Variants in ALK observed in about 807,000 individuals in gnomAD.
The protein encoded by ALK is ALK receptor tyrosine kinase.
In ALK, 74 loss-of-function variants were observed where a neutral mutation model predicts 163.1. The observed-to-expected ratio is 0.45, with a 90% confidence interval of 0.38 to 0.55. ALK has a LOEUF of 0.55. Among genes scored for constraint, ALK ranks in the 20% least tolerant of loss-of-function variants. The probability of loss-of-function intolerance (pLI) is 0.00; values close to 1 mark genes in which losing one functional copy is unlikely to be tolerated. For synonymous variants in ALK, 960 were observed against 843.2 expected (o/e 1.14, Z -2.40); for missense variants, 2,063 against 2,105.3 (o/e 0.98, Z 0.39).
At chr2:29,703,815 G>A (rs939421471) in intron 2 of ALK, among the ~76,000 whole-genome samples, 2 of 152,138 alleles carry the variant, frequency 1.3e-5, no homozygotes, top group Non-Finnish European at 2.9e-5. Context: ...CTTCACTGGA[G>A]AAGTGAAAAA....
chr2:29,387,984 A>G lies in ALK; in HGVS notation c.1155-4125T>C, dbSNP rs545344401. On this transcript the variant is annotated intron_variant, in intron 4 of 28. Coordinates refer to ENST00000389048, the MANE Select transcript of ALK (RefSeq NM_004304.5). ...GAGACAGAGAAGAATATGTCTACTTAGCATTGCTGGAGGCATCATCAATTT... is the reference window on the plus strand; with the variant it reads ...GAGACAGAGAAGAATATGTCTACTTGGCATTGCTGGAGGCATCATCAATTT... 5.9e-5 allele frequency among the ~76,000 whole-genome samples: 9 copies of G among 152,364 alleles called. No homozygotes were observed. In the South Asian group the frequency reaches 1.9e-3, roughly 32 times the overall value.
chr2:29,807,547 G>C lies in ALK; in HGVS notation c.668-89850C>G, dbSNP rs371124272. Among the ~76,000 whole-genome samples, 9 of 152,216 alleles carry C rather than the reference G, an allele frequency of 5.9e-5. No individual in the cohort carries two copies. The South Asian group carries it at 1.9e-3, about 32-fold the overall frequency. ...GGCTCTGATGATTTGCTGAGTGAAA[G>C]TGACAATGGTTTTAGCACCTGGAAG... On this transcript the variant is annotated intron_variant, in intron 1 of 28. Transcript: ENST00000389048.
In ALK at chr2:29,717,009, A is replaced by C. The variant is rs866595352; in HGVS notation, c.787+569T>G. Among the ~76,000 whole-genome samples, 5 of 149,726 alleles carry C rather than the reference A, an allele frequency of 3.3e-5. No individual in the cohort carries two copies. The South Asian group carries it at 8.5e-4, about 26-fold the overall frequency. ...CTACCAAAAATCCAAAAAAAAAAAA[A>C]AAAAAAAAAAAAATTAGCCAGGCAT... On this transcript the variant is annotated intron_variant, in intron 2 of 28. Transcript: ENST00000389048.
intron 4 of ALK, among the ~76,000 whole-genome samples, chr2:29,471,541 G>C (rs1007072795): frequency 7.2e-5 from 11 of 152,174 alleles, no homozygotes; most frequent in Non-Finnish European, 1.5e-4. Flanking sequence ...GCAGTATACA[G>C]TTGTCTTGAT....
At position 29,667,117 on chromosome 2, in the gene ALK, A is replaced by G. The variant is rs114769865; in HGVS notation, c.952+27733T>C. Among the ~76,000 whole-genome samples, 612 of 152,198 alleles carry G rather than the reference A, an allele frequency of 4.0e-3. 3 individuals are homozygous for G. The highest frequency in any genetic ancestry group is 0.014 in the African/African-American group (586 of 41,540). Reference sequence around the variant, plus strand: ...CTTAGGTTGAGTCCATATTTTGACTATTGTGAATAGTGTTGCAATAAACAG... The same window carrying G: ...CTTAGGTTGAGTCCATATTTTGACTGTTGTGAATAGTGTTGCAATAAACAG... On this transcript the variant is annotated intron_variant, in intron 3 of 28. Transcript: ENST00000389048.
At chr2:29,531,211 G>A (rs777935106) in intron 4 of ALK, among the ~76,000 whole-genome samples, 3 of 152,186 alleles carry the variant, frequency 2.0e-5, no homozygotes, top group Non-Finnish European at 4.4e-5. Context: ...ATCAGATCTG[G>A]GGTCCCTCAA....
At chr2:29,574,384 C>G (rs906205425) in intron 3 of ALK, among the ~76,000 whole-genome samples, 2 of 152,262 alleles carry the variant, frequency 1.3e-5, no homozygotes, top group African/African-American at 4.8e-5. Context: ...GTATCACCAA[C>G]ATGGGCCTCT....
intron 5 of ALK, among the ~76,000 whole-genome samples, chr2:29,329,068 G>A (rs1573240112): frequency 6.6e-6 from 1 of 152,264 alleles, no homozygotes; most frequent in East Asian, 1.9e-4. Context: ...GGCTGACCAT[G>A]TCCCTTCTCT....
chr2:29,725,741 G>T (rs1679553688), intron 1 of ALK, among the ~76,000 whole-genome samples: 1 of 152,074 alleles, frequency 6.6e-6, no homozygotes, highest in African/African-American at 2.4e-5. Flanking sequence ...AGGGGCAGGG[G>T]CAGATCAAGA....
chr2:29,895,554 A>G (rs1667248593), intron 1 of ALK, among the ~76,000 whole-genome samples: 2 of 152,192 alleles, frequency 1.3e-5, no homozygotes, highest in South Asian at 2.1e-4. Flanking sequence ...AACAACACCA[A>G]TGCCTTCAGA....
chr2:29,790,439 A>G (rs1664161337), intron 1 of ALK, among the ~76,000 whole-genome samples: 2 of 152,170 alleles, frequency 1.3e-5, no homozygotes, highest in African/African-American at 4.8e-5. Context: ...CATGACACAC[A>G]TTCTTGTGGA....
intron 1 of ALK, among the ~76,000 whole-genome samples, chr2:29,771,809 C>T (rs927952225): frequency 1.3e-5 from 2 of 152,008 alleles, no homozygotes; most frequent in Admixed American, 6.5e-5. Flanking sequence ...GCTGGGATTA[C>T]AGGCATGAGC....
At chr2:29,826,061 G>A (rs147639697) in intron 1 of ALK, among the ~76,000 whole-genome samples, 2 of 152,066 alleles carry the variant, frequency 1.3e-5, no homozygotes, top group East Asian at 3.9e-4. Flanking sequence ...TGCTCTCCTG[G>A]GGCTCTTTCA....
chr2:29,638,535 T>C (rs1288192216), intron 3 of ALK, among the ~76,000 whole-genome samples: 1 of 138,114 alleles, frequency 7.2e-6, no homozygotes, highest in Non-Finnish European at 1.6e-5. Context: ...TGGGGGGAGA[T>C]GGATGCGGAT....
At chr2:29,484,875 T>G (rs1177769877) in intron 4 of ALK, among the ~76,000 whole-genome samples, 1 of 152,074 alleles carries the variant, frequency 6.6e-6, no homozygotes, top group Non-Finnish European at 1.5e-5. Context: ...TTTTCTGTTA[T>G]TTTTGTTGTT....
At chr2:29,383,892 T>TG (rs1380002358) in intron 4 of ALK, 33 bp from the exon 5 acceptor site, 1 of 1,613,544 alleles carries the variant, frequency 6.2e-7, no homozygotes, top group Non-Finnish European at 8.5e-7. Flanking sequence ...GAGAAAAGCA[T>TG]AGAGAAACAG....
chr2:29,701,694 A>T (rs1477890768), intron 2 of ALK, among the ~76,000 whole-genome samples: 1 of 152,154 alleles, frequency 6.6e-6, no homozygotes, highest in Non-Finnish European at 1.5e-5. Context: ...AAGTGTATTC[A>T]TAAGTAATAA....
At chr2:29,606,335 A>C (rs1573494182) in intron 3 of ALK, among the ~76,000 whole-genome samples, 2 of 152,336 alleles carry the variant, frequency 1.3e-5, no homozygotes, top group Non-Finnish European at 2.9e-5. Flanking sequence ...AATGGCAAAG[A>C]AGCTGGATAC....
chr2:29,472,639 T>C (rs1014042343), intron 4 of ALK, among the ~76,000 whole-genome samples: 6 of 152,126 alleles, frequency 3.9e-5, no homozygotes, highest in African/African-American at 9.7e-5. Context: ...AAAAATAAAA[T>C]GATCAACTAG....
Sources: gnomAD v4.1 joint callset for allele counts (sites outside exome capture counted in the v4.1 genomes callset) on GRCh38, gnomAD v4.1.1 for gene constraint, MANE v1.5 for transcripts, NCBI Gene and HGNC (gene_info 2026-07-23, HGNC 2026-07-21) for gene names.